Variants in CD5L observed in about 807,000 individuals in gnomAD.
The protein encoded by CD5L is CD5 molecule like.
In CD5L, 39 loss-of-function variants were observed where a neutral mutation model predicts 40.8. The observed-to-expected ratio is 0.96, with a 90% CI of 0.74 to 1.25. CD5L has a LOEUF of 1.25. Among genes scored for constraint, CD5L ranks in the 50% most tolerant of loss-of-function variants. The pLI, the probability that CD5L is intolerant of heterozygous loss-of-function variation, is 0.00. For missense variants in CD5L, 433 were observed against 435.9 expected (o/e 0.99, Z 0.06); for synonymous variants, 192 against 169.6 (o/e 1.13, Z -1.03).
chr1:157,839,862 C>A (rs550716443), intron 1 of CD5L, among the ~76,000 whole-genome samples: 9 of 152,102 alleles, frequency 5.9e-5, no homozygotes, highest in African/African-American at 1.9e-4. Context: ...CTGTGTTCAT[C>A]GGCACAGCAT....
intron 2 of CD5L, 62 bp from the exon 3 acceptor site, chr1:157,836,217 T>C (rs1013578304): frequency 1.5e-6 from 2 of 1,323,884 alleles, no homozygotes; most frequent in East Asian, 2.3e-5. Context: ...CTTAGGCATG[T>C]ACTCAGTCAA....
rs759287068 is a variant in CD5L, at chr1:157,836,126, C to A, written c.85G>T (p.Gly29Cys). Residue 29 changes from glycine to cysteine, a missense_variant, in exon 3 of 6, where the codon GGC becomes TGC. Transcript: ENST00000368174. Reference sequence around the variant, plus strand: ...ACCCGCCCTTCACAGCGGTGGAGGCCCCCCACCAGCCGCACTCCAGATGGA... The same window carrying A: ...ACCCGCCCTTCACAGCGGTGGAGGCACCCCACCAGCCGCACTCCAGATGGA... ...ASPSGVRLVG[G>C]LHRCEGRVEV... 5 of 1,613,098 alleles carry A rather than the reference C, an allele frequency of 3.1e-6. No homozygotes were observed. The South Asian group carries it at 4.4e-5, about 14-fold the overall frequency.
chr1:157,833,584 T>G, intron 4 of CD5L, 72 bp from the exon 5 acceptor site: 1 of 1,241,464 alleles, frequency 8.1e-7, no homozygotes, highest in Non-Finnish European at 1.1e-6. Context: ...TCATTTATTT[T>G]TAAAATTTTT....
chr1:157,835,848 C>T lies in CD5L; in HGVS notation c.363G>A (p.Gly121=), dbSNP rs1334331251. 3 of 1,612,162 alleles carry T rather than the reference C, an allele frequency of 1.9e-6. No individual in the cohort carries two copies. The highest frequency in any genetic ancestry group is 1.1e-5 in the South Asian group (1 of 90,874). The change falls in exon 3 of 6, where the codon GGG becomes GGA. Residue 121 remains glycine (G), a synonymous_variant. Transcript: ENST00000368174. Reference sequence around the variant, plus strand: ...TGCCATACTCACTCTCACACGATGCCCCAGCATCTTCATCATGTGAACAAT... The same window carrying T: ...TGCCATACTCACTCTCACACGATGCTCCAGCATCTTCATCATGTGAACAAT... The part of the protein sequence containing the change: ...VYDCSHDEDA[G]ASCENPESSF...
rs1209376703 is a variant in CD5L, at chr1:157,835,955, C to A, written c.256G>T (p.Glu86Ter). Reference sequence around the variant, plus strand: ...ACTGATTGGATGAGGACCTTTTGCTCTTTTTCTGCTGGTGGCTCATACAAA... The same window carrying A: ...ACTGATTGGATGAGGACCTTTTGCTATTTTTCTGCTGGTGGCTCATACAAA... The part of the protein sequence containing the change: ...GILYEPPAEK[E>*]QKVLIQSVSC... The change falls in exon 3 of 6, where the codon GAG becomes TAG. Residue 86 changes from glutamate to a stop codon, truncating the protein, a stop_gained. Transcript: ENST00000368174. LOFTEE classifies it high-confidence loss of function. 2 of 1,614,218 alleles carry A rather than the reference C, an allele frequency of 1.2e-6. No individual in the cohort carries two copies. Among genetic ancestry groups the A allele is most frequent in the Non-Finnish European group, 1.7e-6 (2 of 1,180,040 alleles).
chr1:157,833,354 G>A lies in CD5L; in HGVS notation c.877C>T (p.Pro293Ser), dbSNP rs183099720. ...TAGCATTTCCGGTCTCTGAAGGAGGGAGAGAGGGACTTCCCACAGCCCAGT... is the reference window on the plus strand; with the variant it reads ...TAGCATTTCCGGTCTCTGAAGGAGGAAGAGAGGGACTTCCCACAGCCCAGT... ...KQLGCGKSLS[P>S]SFRDRKCYGP... The change falls in exon 5 of 6, where the codon CCC (proline) becomes TCC (serine). Residue 293 changes from proline (P) to serine (S), a missense_variant. By Grantham distance (74) the Pro-to-Ser change is moderately conservative. Coordinates refer to ENST00000368174, the MANE Select transcript of CD5L (RefSeq NM_005894.3). 59 of 1,614,138 alleles carry A rather than the reference G, an allele frequency of 3.7e-5. No individual in the cohort carries two copies. The South Asian group carries it at 5.3e-4, about 14-fold the overall frequency.
intron 4 of CD5L, 123 bp downstream of exon 4, chr1:157,834,284 C>A: frequency 1.3e-6 from 1 of 753,996 alleles, no homozygotes; most frequent in Non-Finnish European, 2.1e-6. Flanking sequence ...AATTATCTGC[C>A]CAGTTAAATA....
At chr1:157,838,410 G>A (rs1250075207) in intron 2 of CD5L, among the ~76,000 whole-genome samples, 1 of 152,014 alleles carries the variant, frequency 6.6e-6, no homozygotes, top group Non-Finnish European at 1.5e-5. Context: ...GTTTGGATTG[G>A]CATTATTGCA....
At chr1:157,837,770 T>C (rs1656257517) in intron 2 of CD5L, among the ~76,000 whole-genome samples, 1 of 97,978 alleles carries the variant, frequency 1.0e-5, no homozygotes, top group South Asian at 4.8e-4. Context: ...CTAATCTAGC[T>C]ATTTTTTTTT....
At chr1:157,830,214 G>C (rs531938133), downstream of CD5L, among the ~76,000 whole-genome samples, 21 of 152,212 alleles carry the variant, frequency 1.4e-4, no homozygotes, top group South Asian at 4.4e-3. Flanking sequence ...AATAATGCAG[G>C]GTAAACATGA....
chr1:157,827,192 C>T (rs971524714), downstream of CD5L, among the ~76,000 whole-genome samples: 4 of 151,640 alleles, frequency 2.6e-5, no homozygotes, highest in Admixed American at 6.6e-5. Context: ...CTTAAAATTC[C>T]GTTCCTCTAG....
Position 157,841,749 on chromosome 1 carries a change from G to A in CD5L, c.-48C>T. 2 of 1,564,956 alleles carry A rather than the reference G, an allele frequency of 1.3e-6. No individual in the cohort carries two copies. The highest frequency in any genetic ancestry group is 1.1e-5 in the South Asian group (1 of 88,526). The stretch of plus-strand genomic sequence containing the variant: ...GAGCTGAAATTTAAGGCTAGAAGGA[G>A]GTCCCCAAGCAGCAATATTTAGTTT... On this transcript the variant is annotated 5_prime_UTR_variant, in exon 1 of 6. Transcript: ENST00000368174.
Position 157,841,765 on chromosome 1 carries a change from T to C in CD5L, c.-64A>G. 1 of 1,424,220 alleles carries C rather than the reference T, an allele frequency of 7.0e-7. No individual in the cohort carries two copies. Among genetic ancestry groups the C allele is most frequent in the Non-Finnish European group, 9.9e-7 (1 of 1,014,844 alleles). 88.2% of individuals were successfully genotyped at this position (1,424,220 alleles called of 1,614,324 possible). On this transcript the variant is annotated 5_prime_UTR_variant, in exon 1 of 6. In the 5' UTR this introduces an upstream ATG that the reference lacks. Coordinates refer to ENST00000368174, the MANE Select transcript of CD5L (RefSeq NM_005894.3). ...CTAGAAGGAGGTCCCCAAGCAGCAA[T>C]ATTTAGTTTTAGCTGCAAGTATGTT... is the stretch of plus-strand genomic sequence containing the variant.
At chr1:157,839,831 G>A (rs1030619675) in intron 1 of CD5L, among the ~76,000 whole-genome samples, 6 of 152,170 alleles carry the variant, frequency 3.9e-5, no homozygotes, top group South Asian at 4.1e-4. Context: ...GCAGAAATTA[G>A]GGCAAAGGGG....
downstream of CD5L, among the ~76,000 whole-genome samples, chr1:157,828,103 T>C (rs1329884075): frequency 6.6e-6 from 1 of 152,116 alleles, no homozygotes; most frequent in Non-Finnish European, 1.5e-5. Context: ...GAAGGAGTGA[T>C]AAATTCCACA....
Position 157,835,879 on chromosome 1 carries a change from ACTT to A in CD5L, c.329_331del (p.Glu110del), listed in dbSNP as rs780316594. Reference sequence around the variant, plus strand: ...ATCTTCATCATGTGAACAATCATAAACTTCTTCTTGCTCACACTGAGCCAATGT... The same window carrying A: ...ATCTTCATCATGTGAACAATCATAAACTTCTTGCTCACACTGAGCCAATGT... On this transcript the variant is annotated inframe_deletion, in exon 3 of 6. Transcript: ENST00000368174. 3.7e-6 allele frequency: 6 copies of A among 1,614,096 alleles called. No individual in the cohort carries two copies. Among genetic ancestry groups the A allele is most frequent in the African/African-American group, 1.3e-5 (1 of 75,022 alleles).
At chr1:157,838,084 C>A (rs1032712604) in intron 2 of CD5L, among the ~76,000 whole-genome samples, 1 of 152,014 alleles carries the variant, frequency 6.6e-6, no homozygotes, top group Non-Finnish European at 1.5e-5. Context: ...CCTAATCTGG[C>A]TAATTTTAAA....
At position 157,836,103 on chromosome 1, in the gene CD5L, C is replaced by T. The variant is rs1192877651; in HGVS notation, c.108G>A (p.Arg36=). 1.2e-6 allele frequency: 2 copies of T among 1,613,964 alleles called. No homozygotes were observed. Among genetic ancestry groups the T allele is most frequent in the Non-Finnish European group, 1.7e-6 (2 of 1,179,974 alleles). ...ACTGGCCTTTCTGTTCCACCTCCAC[C>T]CGCCCTTCACAGCGGTGGAGGCCCC... is the stretch of plus-strand genomic sequence containing the variant. The part of the protein sequence containing the change: ...LVGGLHRCEG[R]VEVEQKGQWG... The change falls in exon 3 of 6, where the codon CGG becomes CGA. Residue 36 remains arginine, a synonymous_variant. Coordinates refer to ENST00000368174, the MANE Select transcript of CD5L (RefSeq NM_005894.3).
At chr1:157,835,704 G>GT in intron 3 of CD5L, 131 bp downstream of exon 3, 1 of 710,566 alleles carries the variant, frequency 1.4e-6, no homozygotes, top group Non-Finnish European at 2.4e-6. Context: ...AGTTGGGAAA[G>GT]TATGAGATGT....
Sources: allele counts gnomAD v4.1 joint callset (sites outside exome capture counted in the v4.1 genomes callset), GRCh38; gene constraint gnomAD v4.1.1; transcripts MANE v1.5; gene names NCBI Gene and HGNC (gene_info 2026-07-23, HGNC 2026-07-21).